The following CD180 variants were observed in gnomAD, a reference collection of about 807,000 sequenced individuals.
CD180 encodes the protein CD180 molecule.
Under a neutral mutation model 10.7 loss-of-function variants are expected in CD180, and 11 were observed. The observed-to-expected ratio is 1.03, with a 90% CI of 0.65 to 1.70. CD180 has a LOEUF of 1.70. Among genes scored for constraint, CD180 ranks in the 40% most tolerant of loss-of-function variants. CD180 has a pLI of 0.00. For missense variants in CD180, 729 were observed against 775.2 expected (o/e 0.94, Z 0.71); for synonymous variants, 286 against 294.6 (o/e 0.97, Z 0.30).
At chr5:67,185,812 A>T (rs1742181081) in intron 2 of CD180, 39 bp downstream of exon 2, 1 of 1,461,888 alleles carries the variant, frequency 6.8e-7, no homozygotes, top group Non-Finnish European at 9.2e-7. Flanking sequence ...TTTTAACTTA[A>T]ATAAAATAAA....
chr5:67,188,386 C>T (rs1742241715), intron 1 of CD180, among the ~76,000 whole-genome samples: 1 of 152,186 alleles, frequency 6.6e-6, no homozygotes, highest in Non-Finnish European at 1.5e-5. Flanking sequence ...AGGAAACCGA[C>T]TAAGACAGTG....
chr5:67,181,054 C>T lies in CD180; in HGVS notation c.*1803G>A, dbSNP rs1742039827. The T allele has an allele frequency of 6.6e-6, 1 of 151,526 alleles. No homozygotes were observed. The highest frequency in any genetic ancestry group is 1.5e-5 in the Non-Finnish European group (1 of 68,002). The allele number at this position is 151,526 out of a possible 1,614,324, so 9.4% of individuals were successfully genotyped here. A position where few individuals can be genotyped will look rare whatever the true frequency, so the allele number is the denominator to read the frequency against. On this transcript the variant is annotated 3_prime_UTR_variant, in exon 3 of 3. Coordinates refer to ENST00000256447, the MANE Select transcript of CD180 (RefSeq NM_005582.3). ...ACACATACACACACATACACACACACACACATATGGAGAGAGAGAGAGAGA... is the reference window on the plus strand; with the variant it reads ...ACACATACACACACATACACACACATACACATATGGAGAGAGAGAGAGAGA...
intron 1 of CD180, among the ~76,000 whole-genome samples, chr5:67,194,543 C>T (rs1017953818): frequency 1.4e-4 from 21 of 152,318 alleles, no homozygotes; most frequent in Admixed American, 1.2e-3. Context: ...GTACCCTGCC[C>T]ACCAAACTAT....
intron 2 of CD180, among the ~76,000 whole-genome samples, chr5:67,185,314 C>CACAA (rs1273994214): frequency 3.3e-5 from 5 of 151,674 alleles, no homozygotes; most frequent in African/African-American, 1.2e-4. Flanking sequence ...CACACACACA[C>CACAA]ACACACACAC....
chr5:67,185,701 C>G, intron 2 of CD180, 150 bp downstream of exon 2: 1 of 468,644 alleles, frequency 2.1e-6, no homozygotes, highest in Non-Finnish European at 3.7e-6. Context: ...ACATTTCACC[C>G]ACATAGGAGT....
At chr5:67,196,176 A>T (rs2151169918) in intron 1 of CD180, among the ~76,000 whole-genome samples, 1 of 152,318 alleles carries the variant, frequency 6.6e-6, no homozygotes, top group South Asian at 2.1e-4. Context: ...AGAGGAGACC[A>T]AAGGACTCAT....
At chr5:67,191,383 T>G (rs1200790888) in intron 1 of CD180, among the ~76,000 whole-genome samples, 2 of 152,206 alleles carry the variant, frequency 1.3e-5, no homozygotes, top group African/African-American at 4.8e-5. Context: ...TTTAACTGGA[T>G]CATCACAACC....
rs1742036631 is a variant in CD180, at chr5:67,180,966, T to A, written c.*1891A>T. 6.6e-6 allele frequency: 1 copy of A among 151,086 alleles called. No individual in the cohort carries two copies. The highest frequency in any genetic ancestry group is 2.4e-5 in the African/African-American group (1 of 40,870). The allele number at this position is 151,086 out of a possible 1,614,324, so 9.4% of individuals were successfully genotyped here. On this transcript the variant is annotated 3_prime_UTR_variant, in exon 3 of 3. Transcript: ENST00000256447. ...GTGAGCCAAGATTGCACTATAGCAC[T>A]CCAGCCTGGGCGACAGAGCAAGAAT...
intron 1 of CD180, among the ~76,000 whole-genome samples, chr5:67,195,314 T>TTGAG (rs1742379491): frequency 1.3e-5 from 2 of 152,330 alleles, no homozygotes; most frequent in African/African-American, 4.8e-5. Flanking sequence ...CCTCCCGGGT[T>TTGAG]TGAGTGAGTC....
At position 67,179,733 on chromosome 5, in the gene CD180, G is replaced by A. The variant is rs1361759398; in HGVS notation, c.*3124C>T. The A allele has an allele frequency of 6.6e-6, 1 of 152,206 alleles. No homozygotes were observed. 9.4% of individuals were successfully genotyped at this position (152,206 alleles called of 1,614,324 possible). A position where few individuals can be genotyped will look rare whatever the true frequency, so the allele number is the denominator to read the frequency against. ...TTTACAGATATTGCCTGTGTTCAAG[G>A]GCTGTGCTGTACTAAGCAGTGGCTG... is the stretch of plus-strand genomic sequence containing the variant. On this transcript the variant is annotated 3_prime_UTR_variant, in exon 3 of 3. Transcript: ENST00000256447.
At chr5:67,189,883 T>A (rs886070031) in intron 1 of CD180, among the ~76,000 whole-genome samples, 10 of 152,216 alleles carry the variant, frequency 6.6e-5, no homozygotes, top group African/African-American at 2.4e-4. Flanking sequence ...AAAACAAGGA[T>A]ATTATATGAC....
chr5:67,185,769 AAGGTCCTGCAAAT>A (rs1742180288), intron 2 of CD180, 69 bp downstream of exon 2: 1 of 1,078,200 alleles, frequency 9.3e-7, no homozygotes, highest in African/African-American at 1.6e-5. Context: ...GCCCCCCAAA[AAGGTCCTGCAAAT>A]AAATTAAGCA....
Position 67,184,012 on chromosome 5 carries a change from C to T in CD180, c.831G>A (p.Glu277=). The change falls in exon 3 of 3, where the codon GAG becomes GAA. Residue 277 remains glutamate (E), a synonymous_variant. Coordinates refer to ENST00000256447, the MANE Select transcript of CD180 (RefSeq NM_005582.3). The stretch of plus-strand genomic sequence containing the variant: ...AGCGGTGTTCCTGCAGGTTGAGGCT[C>T]TCAACAGACATTTCACAGAGTCCCT... ...MLKGLCEMSV[E]SLNLQEHRFS... The T allele has an allele frequency of 6.2e-7, 1 of 1,614,076 alleles. No individual in the cohort carries two copies. Among genetic ancestry groups the T allele is most frequent in the Non-Finnish European group, 8.5e-7 (1 of 1,179,964 alleles).
Position 67,184,422 on chromosome 5 carries a change from C to T in CD180, c.421G>A (p.Glu141Lys), listed in dbSNP as rs572353282. Residue 141 changes from glutamate to lysine, a missense_variant, in exon 3 of 3, where the codon GAG becomes AAG. Transcript: ENST00000256447. ...TCCAGATTGTGCACTGGAATAAACT[C>T]GAGATTGGATATTCCCGTTTGGATT... ...FLIQTGISNL[E>K]FIPVHNLENL... The T allele has an allele frequency of 8.1e-6, 13 of 1,613,946 alleles. No individual in the cohort carries two copies. The African/African-American group carries it at 9.3e-5, about 12-fold the overall frequency.
At chr5:67,186,887 A>T (rs967924815) in intron 1 of CD180, among the ~76,000 whole-genome samples, 15 of 144,114 alleles carry the variant, frequency 1.0e-4, no homozygotes, top group African/African-American at 4.1e-4. Context: ...AGAGAGAGAG[A>T]GAGAGAGAGA....
chr5:67,191,761 A>G (rs1322911950), intron 1 of CD180, among the ~76,000 whole-genome samples: 1 of 152,206 alleles, frequency 6.6e-6, no homozygotes, highest in African/African-American at 2.4e-5. Context: ...AGAGAGACAG[A>G]GAGAGAAAAC....
In CD180 at chr5:67,179,935, A is replaced by G. The variant is rs1478266315; in HGVS notation, c.*2922T>C. On this transcript the variant is annotated 3_prime_UTR_variant, in exon 3 of 3. Coordinates refer to ENST00000256447, the MANE Select transcript of CD180 (RefSeq NM_005582.3). ...CATCGTGCAATAATAACACATTTTTATAGGAGTAGCTTGTCAGAGCAGCAA... is the reference window on the plus strand; with the variant it reads ...CATCGTGCAATAATAACACATTTTTGTAGGAGTAGCTTGTCAGAGCAGCAA... 6.6e-6 allele frequency: 1 copy of G among 152,272 alleles called. No homozygotes were observed. Among genetic ancestry groups the G allele is most frequent in the East Asian group, 1.9e-4 (1 of 5,196 alleles). 9.4% of individuals were successfully genotyped at this position (152,272 alleles called of 1,614,324 possible). A position where few individuals can be genotyped will look rare whatever the true frequency, so the allele number is the denominator to read the frequency against.
chr5:67,182,525 G>A lies in CD180; in HGVS notation c.*332C>T. ...TGGGAGGGATGTCGGTGAGTAGAAGGGGAATGGCCTCCCTGTGGGAGACTC... is the reference window on the plus strand; with the variant it reads ...TGGGAGGGATGTCGGTGAGTAGAAGAGGAATGGCCTCCCTGTGGGAGACTC... On this transcript the variant is annotated 3_prime_UTR_variant, in exon 3 of 3. Transcript: ENST00000256447. 5.2e-6 allele frequency: 1 copy of A among 192,364 alleles called. No homozygotes were observed. The highest frequency in any genetic ancestry group is 1.1e-5 in the Non-Finnish European group (1 of 93,656). 11.9% of individuals were successfully genotyped at this position (192,364 alleles called of 1,614,324 possible).
Position 67,181,414 on chromosome 5 carries a change from G to C in CD180, c.*1443C>G, listed in dbSNP as rs1023509231. ...CCTGAAATCCCTGAGCAGAGAAGAG[G>C]TTCACCCACTGCTGTTCCCTGCCTG... On this transcript the variant is annotated 3_prime_UTR_variant, in exon 3 of 3. Transcript: ENST00000256447. The C allele has an allele frequency of 6.6e-6, 1 of 152,202 alleles. No individual in the cohort carries two copies. Among genetic ancestry groups the C allele is most frequent in the Non-Finnish European group, 1.5e-5 (1 of 68,068 alleles). 9.4% of individuals were successfully genotyped at this position (152,202 alleles called of 1,614,324 possible). A position where few individuals can be genotyped will look rare whatever the true frequency, so the allele number is the denominator to read the frequency against.
Sources: allele counts gnomAD v4.1 joint callset (sites outside exome capture counted in the v4.1 genomes callset), GRCh38; gene constraint gnomAD v4.1.1; transcripts MANE v1.5; gene names NCBI Gene and HGNC (gene_info 2026-07-23, HGNC 2026-07-21).